The following SULF1 variants were observed in gnomAD, a reference collection of about 807,000 sequenced individuals.
The protein encoded by SULF1 is sulfatase 1.
In SULF1, 46 loss-of-function variants were observed where a neutral mutation model predicts 110.5. That is an observed-to-expected ratio of 0.42 (90% CI 0.33 to 0.53). The LOEUF (loss-of-function observed/expected upper bound fraction) is 0.53. Ranked by LOEUF, SULF1 falls within the 20% of genes least tolerant of loss-of-function variation. SULF1 has a pLI of 0.12. For missense variants in SULF1, 941 were observed against 1,094.2 expected, an observed-to-expected ratio of 0.86 and a Z score of 1.98; for synonymous variants, 371 against 387.1, an observed-to-expected ratio of 0.96 and a Z score of 0.49.
chr8:69,494,471 A>C (rs1186155601), intron 1 of SULF1, among the ~76,000 whole-genome samples: 1 of 152,214 alleles, frequency 6.6e-6, no homozygotes, highest in Non-Finnish European at 1.5e-5. Flanking sequence ...TCTTTAAATG[A>C]TATTTTCCCT....
At chr8:69,525,344 G>A (rs1339079726) in intron 3 of SULF1, among the ~76,000 whole-genome samples, 2 of 152,042 alleles carry the variant, frequency 1.3e-5, no homozygotes, top group East Asian at 3.9e-4. Flanking sequence ...ATTTTCTTTT[G>A]GAATAAAATA....
rs577513604 is a variant in SULF1, at chr8:69,640,741, C to T, written c.2552-67C>T. The T allele has an allele frequency of 1.1e-5, 16 of 1,408,874 alleles. No individual in the cohort carries two copies. In the African/African-American group the frequency reaches 2.2e-4, roughly 19 times the overall value. 87.3% of individuals were successfully genotyped at this position (1,408,874 alleles called of 1,614,324 possible). ...GGATTTAGATGTTGTGCATGAAAAA[C>T]TATATAGTGAATGGTTTTATAAGTT... is the stretch of plus-strand genomic sequence containing the variant. On this transcript the variant is annotated intron_variant, in intron 21 of 22. Coordinates refer to ENST00000402687, the MANE Select transcript of SULF1 (RefSeq NM_001128205.2).
chr8:69,486,961 T>A (rs1809740020), intron 1 of SULF1, among the ~76,000 whole-genome samples: 1 of 152,240 alleles, frequency 6.6e-6, no homozygotes, highest in Admixed American at 6.5e-5. Flanking sequence ...GATTTTTAAA[T>A]CACTTCCAGA....
intron 13 of SULF1, among the ~76,000 whole-genome samples, chr8:69,612,543 A>C (rs562457855): frequency 7.4e-6 from 1 of 134,264 alleles, no homozygotes; most frequent in East Asian, 2.2e-4. Context: ...TATTATAGCC[A>C]TGCTTGCAGG....
chr8:69,627,683 C>G (rs1274396038), intron 16 of SULF1, 89 bp from the exon 17 acceptor site: 2 of 878,102 alleles, frequency 2.3e-6, no homozygotes, highest in Non-Finnish European at 3.7e-6. Flanking sequence ...GCTGTTATTA[C>G]AGAACAGAGA....
chr8:69,476,863 A>C (rs1345640246), intron 1 of SULF1, among the ~76,000 whole-genome samples: 1 of 152,230 alleles, frequency 6.6e-6, no homozygotes, highest in Non-Finnish European at 1.5e-5. Flanking sequence ...AGAATAACAC[A>C]CAAGTGCCAT....
At chr8:69,473,758 C>A (rs1352982575) in intron 1 of SULF1, among the ~76,000 whole-genome samples, 1 of 152,136 alleles carries the variant, frequency 6.6e-6, no homozygotes, top group Non-Finnish European at 1.5e-5. Flanking sequence ...TTGCTCTATT[C>A]TTTTGTTGGC....
chr8:69,475,285 G>T (rs1360235679), intron 1 of SULF1, among the ~76,000 whole-genome samples: 1 of 152,022 alleles, frequency 6.6e-6, no homozygotes, highest in Non-Finnish European at 1.5e-5. Context: ...GCCTTAGGAA[G>T]TTCAAGCAGT....
intron 6 of SULF1, among the ~76,000 whole-genome samples, chr8:69,583,513 G>T (rs1420220974): frequency 6.6e-6 from 1 of 152,040 alleles, no homozygotes; most frequent in Admixed American, 6.5e-5. Context: ...GGCAGAGGTT[G>T]CAGTGAGCCG....
chr8:69,604,252 G>A (rs959080457), intron 12 of SULF1, among the ~76,000 whole-genome samples: 3 of 152,140 alleles, frequency 2.0e-5, no homozygotes, highest in Non-Finnish European at 4.4e-5. Context: ...TTTCTAATCA[G>A]ACCAGTGGAT....
chr8:69,612,033 T>C (rs2130477029), intron 13 of SULF1, among the ~76,000 whole-genome samples: 1 of 152,232 alleles, frequency 6.6e-6, no homozygotes, highest in African/African-American at 2.4e-5. Flanking sequence ...CCAAAGTTTA[T>C]TATATCATTC....
At chr8:69,547,251 A>C (rs1814331856) in intron 3 of SULF1, among the ~76,000 whole-genome samples, 1 of 152,184 alleles carries the variant, frequency 6.6e-6, no homozygotes, top group Non-Finnish European at 1.5e-5. Flanking sequence ...TGTGAAAAGC[A>C]AATTTGATGA....
chr8:69,620,236 C>T (rs1803458695), intron 13 of SULF1, among the ~76,000 whole-genome samples: 1 of 152,166 alleles, frequency 6.6e-6, no homozygotes, highest in Admixed American at 6.5e-5. Context: ...TTCCACCATT[C>T]GTCAGCTTGT....
At chr8:69,476,076 AG>A (rs1346671887) in intron 1 of SULF1, among the ~76,000 whole-genome samples, 1 of 152,220 alleles carries the variant, frequency 6.6e-6, no homozygotes, top group African/African-American at 2.4e-5. Flanking sequence ...AAATTTAAAA[AG>A]TCTAGAGGCA....
At chr8:69,511,794 T>C (rs1000380237) in intron 3 of SULF1, among the ~76,000 whole-genome samples, 2 of 152,208 alleles carry the variant, frequency 1.3e-5, no homozygotes, top group African/African-American at 4.8e-5. Flanking sequence ...AAATGTATAA[T>C]AACATATATT....
intron 3 of SULF1, among the ~76,000 whole-genome samples, chr8:69,508,911 T>C (rs1811374784): frequency 1.3e-5 from 2 of 152,140 alleles, no homozygotes; most frequent in African/African-American, 2.4e-5. Context: ...ATTGTGAGTA[T>C]CTCTCTTCAT....
Position 69,629,573 on chromosome 8 carries a change from G to C in SULF1, c.2178G>C (p.Glu726Asp). 6.2e-7 allele frequency: 1 copy of C among 1,614,120 alleles called. No individual in the cohort carries two copies. ...FKENNRRRKK[E>D]RKEKRRQRKG... is the part of the protein sequence containing the mutation. ...AGAACAACCGTAGGAGGAAGAAGGAGAGGAAGGAGAAGAGACGGCAGAGGA... is the reference window on the plus strand; with the variant it reads ...AGAACAACCGTAGGAGGAAGAAGGACAGGAAGGAGAAGAGACGGCAGAGGA... Residue 726 changes from glutamate (E) to aspartate (D), a missense_variant, in exon 19 of 23, where the codon GAG becomes GAC. This residue lies in a region of SULF1 where 822 missense variants were observed against 934.3 expected (regional missense o/e 0.88). Coordinates refer to ENST00000402687, the MANE Select transcript of SULF1 (RefSeq NM_001128205.2).
chr8:69,600,603 A>AACT lies in SULF1; in HGVS notation c.736_738dup (p.Thr246dup). The AACT allele has an allele frequency of 6.2e-7, 1 of 1,602,304 alleles. No homozygotes were observed. The highest frequency in any genetic ancestry group is 8.5e-7 in the Non-Finnish European group (1 of 1,173,090). On this transcript the variant is annotated inframe_insertion and splice_region_variant, in exon 9 of 23. Coordinates refer to ENST00000402687, the MANE Select transcript of SULF1 (RefSeq NM_001128205.2). Reference sequence around the variant, plus strand: ...AAGATTCCTTTCTGGATATTTTCAGAACTCCTAGTTATAACTATGCACCAA... The same window carrying AACT: ...AAGATTCCTTTCTGGATATTTTCAGAACTACTCCTAGTTATAACTATGCACCAA...
chr8:69,485,918 C>T (rs535980127), intron 1 of SULF1, among the ~76,000 whole-genome samples: 1 of 152,282 alleles, frequency 6.6e-6, no homozygotes, highest in South Asian at 2.1e-4. Context: ...AAACACCAAC[C>T]CTAACACTCT....
Sources: gnomAD v4.1 joint callset for allele counts (sites outside exome capture counted in the v4.1 genomes callset) on GRCh38, gnomAD v4.1.1 for gene constraint, gnomAD v4.1.1 regional missense constraint, MANE v1.5 for transcripts, NCBI Gene and HGNC (gene_info 2026-07-23, HGNC 2026-07-21) for gene names.